DPYD: variants seen among roughly 807,000 people sequenced by gnomAD.
DPYD encodes dihydropyrimidine dehydrogenase [NADP(+)].
DPYD carries 109 observed loss-of-function variants against 116.2 expected under a neutral mutation model. The ratio of observed to expected loss-of-function variants is 0.94; its 90% confidence interval spans 0.80 to 1.10. The LOEUF is 1.10. Ranked by LOEUF, DPYD falls within the 50% of genes least tolerant of loss-of-function variation. The probability of loss-of-function intolerance (pLI) is 0.00; values close to 1 mark genes in which losing one functional copy is unlikely to be tolerated. For missense variants in DPYD, 1,302 were observed against 1,254.5 expected (o/e 1.04, Z -0.57); for synonymous variants, 440 against 432.0 (o/e 1.02, Z -0.23).
chr1:97,748,861 A>C (rs1349003121), intron 3 of DPYD, among the ~76,000 whole-genome samples: 1 of 152,160 alleles, frequency 6.6e-6, no homozygotes, highest in Admixed American at 6.5e-5. Context: ...GATGTAAAAA[A>C]TATTCTTCTA....
intron 20 of DPYD, among the ~76,000 whole-genome samples, chr1:97,178,062 A>C (rs537778500): frequency 6.6e-6 from 1 of 152,224 alleles, no homozygotes; most frequent in African/African-American, 2.4e-5. Flanking sequence ...TAAGATTTTA[A>C]CATATGAATT....
chr1:97,080,395 C>T lies in DPYD; in HGVS notation c.2908-1249G>A, dbSNP rs573562051. On this transcript the variant is annotated intron_variant, in intron 22 of 22. Coordinates refer to ENST00000370192, the MANE Select transcript of DPYD (RefSeq NM_000110.4). The stretch of plus-strand genomic sequence containing the variant: ...ATATATATAGTTGTTTAAAAAATTC[C>T]CCCCTCCAAATGAAGCTGCATGCAA... 1.3e-4 allele frequency among the ~76,000 whole-genome samples: 20 copies of T among 151,762 alleles called. 1 individual carries two copies. The South Asian group carries it at 3.7e-3, about 28-fold the overall frequency.
At chr1:97,830,186 G>A (rs1376219297) in intron 2 of DPYD, among the ~76,000 whole-genome samples, 1 of 152,066 alleles carries the variant, frequency 6.6e-6, no homozygotes, top group Non-Finnish European at 1.5e-5. Context: ...CTTTGCCATT[G>A]TGAATAGTGC....
intron 20 of DPYD, among the ~76,000 whole-genome samples, chr1:97,125,286 T>C (rs962760268): frequency 6.6e-6 from 1 of 152,142 alleles, no homozygotes; most frequent in Non-Finnish European, 1.5e-5. Flanking sequence ...TGGATGAATC[T>C]TGTTTTCAAA....
At chr1:97,541,973 A>C (rs1439371921) in intron 12 of DPYD, among the ~76,000 whole-genome samples, 2 of 152,210 alleles carry the variant, frequency 1.3e-5, no homozygotes, top group Non-Finnish European at 2.9e-5. Flanking sequence ...GAAGTAACTA[A>C]AAAAGTAAAT....
chr1:97,439,208 C>T (rs182551069), intron 14 of DPYD, among the ~76,000 whole-genome samples: 11 of 152,006 alleles, frequency 7.2e-5, no homozygotes, highest in African/African-American at 2.7e-4. Flanking sequence ...AATATTAACC[C>T]TATCTGGAGT....
chr1:97,838,757 A>C (rs1669898758), intron 2 of DPYD, among the ~76,000 whole-genome samples: 1 of 152,164 alleles, frequency 6.6e-6, no homozygotes, highest in South Asian at 2.1e-4. Context: ...AGGCAGGAGA[A>C]TGGCGTGAAC....
intron 15 of DPYD, among the ~76,000 whole-genome samples, chr1:97,376,294 C>T (rs12040045): frequency 0.14 from 21,282 of 152,106 alleles, 1,646 homozygotes; most frequent in South Asian, 0.29. Context: ...TAGTGTGTTA[C>T]GAAAAACATA....
chr1:97,866,887 A>T (rs577770242), intron 2 of DPYD, among the ~76,000 whole-genome samples: 1 of 152,018 alleles, frequency 6.6e-6, no homozygotes, highest in African/African-American at 2.4e-5. Context: ...TGAAAAATCA[A>T]GGAAGCCAGA....
chr1:97,206,674 AT>A (rs1214469718), intron 19 of DPYD, among the ~76,000 whole-genome samples: 7,945 of 101,234 alleles, frequency 0.078, 850 homozygotes, highest in East Asian at 0.31. Context: ...ATATATATAT[AT>A]ATATATATAT....
chr1:97,822,222 T>TTC (rs150231775), intron 3 of DPYD, among the ~76,000 whole-genome samples: 14 of 92,246 alleles, frequency 1.5e-4, no homozygotes, highest in African/African-American at 5.0e-4. Flanking sequence ...GCAATTTTGT[T>TTC]TCTCTCTCTC....
chr1:97,744,504 T>C (rs1461289314), intron 3 of DPYD, among the ~76,000 whole-genome samples: 2 of 152,044 alleles, frequency 1.3e-5, no homozygotes, highest in African/African-American at 4.8e-5. Flanking sequence ...AAAACTCACA[T>C]TGCATTGTCT....
At chr1:97,168,615 T>C (rs929204529) in intron 20 of DPYD, among the ~76,000 whole-genome samples, 16 of 152,196 alleles carry the variant, frequency 1.1e-4, no homozygotes, top group Non-Finnish European at 2.2e-4. Context: ...CCTATTCACA[T>C]ACATTGCTTT....
At chr1:97,437,741 T>C (rs1675548292) in intron 14 of DPYD, among the ~76,000 whole-genome samples, 1 of 152,028 alleles carries the variant, frequency 6.6e-6, no homozygotes, top group African/African-American at 2.4e-5. Context: ...TTTTAATTTG[T>C]ATCAAATCAC....
chr1:97,262,348 T>A (rs1557981957), intron 18 of DPYD, among the ~76,000 whole-genome samples: 3 of 152,082 alleles, frequency 2.0e-5, no homozygotes, highest in African/African-American at 7.2e-5. Flanking sequence ...GTGAGTTAGA[T>A]GAGCGATTGC....
chr1:97,696,543 A>T (rs367981779), intron 6 of DPYD, among the ~76,000 whole-genome samples: 1 of 152,172 alleles, frequency 6.6e-6, no homozygotes, highest in East Asian at 1.9e-4. Flanking sequence ...TTATTTTCCA[A>T]GTTTGTTGTG....
chr1:97,882,628 T>TA (rs1255877243), intron 2 of DPYD, among the ~76,000 whole-genome samples: 11 of 152,026 alleles, frequency 7.2e-5, no homozygotes, highest in African/African-American at 2.4e-4. Context: ...ACATCACCTT[T>TA]AAGGTTGTAC....
At chr1:97,816,198 T>C (rs1307214621) in intron 3 of DPYD, among the ~76,000 whole-genome samples, 1 of 151,802 alleles carries the variant, frequency 6.6e-6, no homozygotes, top group African/African-American at 2.4e-5. Flanking sequence ...CTTAGCCTCC[T>C]GAGTAGCTGG....
chr1:97,110,570 T>C (rs558355939), intron 20 of DPYD, among the ~76,000 whole-genome samples: 1 of 152,284 alleles, frequency 6.6e-6, no homozygotes, highest in African/African-American at 2.4e-5. Flanking sequence ...AAAACAAATA[T>C]GCTAAGCATA....
Sources: gnomAD v4.1 joint callset for allele counts (sites outside exome capture counted in the v4.1 genomes callset) on GRCh38, gnomAD v4.1.1 for gene constraint, MANE v1.5 for transcripts, NCBI Gene and HGNC (gene_info 2026-07-23, HGNC 2026-07-21) for gene names.